The following SERPINB12 variants were observed in gnomAD, a reference collection of about 807,000 sequenced individuals.
The protein encoded by SERPINB12 is serpin B12.
In SERPINB12, 57 loss-of-function variants were observed where a neutral mutation model predicts 41.1. That is an observed-to-expected ratio of 1.39 (90% CI 1.12 to 1.73). The LOEUF (loss-of-function observed/expected upper bound fraction) is 1.73, where lower values mean the gene tolerates loss of function less well. Among genes scored for constraint, SERPINB12 ranks in the 40% most tolerant of loss-of-function variants. The probability of loss-of-function intolerance (pLI) is 0.00; values close to 1 mark genes in which losing one functional copy is unlikely to be tolerated. For synonymous variants in SERPINB12, 180 were observed against 181.3 expected (o/e 0.99, Z 0.06); for missense variants, 536 against 501.9 (o/e 1.07, Z -0.65).
chr18:63,536,451 CTT>C, the SERPINB12 span, among the ~76,000 whole-genome samples: 1 of 152,098 alleles, frequency 6.6e-6, no homozygotes, highest in Non-Finnish European at 1.5e-5. Context: ...AGATGCTTAA[CTT>C]ATAACTAATA....
the SERPINB12 span, among the ~76,000 whole-genome samples, chr18:63,531,947 G>T: frequency 1.3e-5 from 2 of 152,016 alleles, no homozygotes; most frequent in African/African-American, 4.8e-5. Context: ...CCCATAATAA[G>T]GTAACCATGT....
upstream of SERPINB12, among the ~76,000 whole-genome samples, chr18:63,538,400 G>A (rs963545814): frequency 2.0e-5 from 3 of 151,898 alleles, no homozygotes; most frequent in Non-Finnish European, 4.4e-5. Flanking sequence ...TCTCTTTATG[G>A]ATTTGCCTAT....
the SERPINB12 span, among the ~76,000 whole-genome samples, chr18:63,521,970 AG>A: frequency 1.3e-5 from 2 of 152,234 alleles, no homozygotes; most frequent in Non-Finnish European, 1.5e-5. Context: ...AGAACTCAAA[AG>A]CAATAGGTAG....
chr18:63,537,872 G>A (rs553658641), upstream of SERPINB12, among the ~76,000 whole-genome samples: 2 of 152,100 alleles, frequency 1.3e-5, no homozygotes, highest in Non-Finnish European at 2.9e-5. Flanking sequence ...GAGCCTGAGG[G>A]AGCACATTTG....
At chr18:63,560,584 A>G (rs1910870097) in intron 4 of SERPINB12, among the ~76,000 whole-genome samples, 1 of 152,256 alleles carries the variant, frequency 6.6e-6, no homozygotes, top group African/African-American at 2.4e-5. Context: ...AGTAAAATAC[A>G]TATAAAATTT....
Position 63,567,943 on chromosome 18 carries a change from C to T in SERPINB12, c.*932C>T, listed in dbSNP as rs1332870191. Among the ~76,000 whole-genome samples the T allele has an allele frequency of 6.9e-6, 1 of 144,232 alleles. No homozygotes were observed. Among genetic ancestry groups the T allele is most frequent in the Non-Finnish European group, 1.5e-5 (1 of 64,742 alleles). The allele number at this position is 144,232 out of a possible 152,430, so 94.6% of individuals were successfully genotyped here. On this transcript the variant is annotated 3_prime_UTR_variant, in exon 8 of 8. Transcript: ENST00000382768. Reference sequence around the variant, plus strand: ...GAGGCTGGCCTCTGTGTGCCCCTCTCTCTGCCTTCTGGCCACGTGGAGGCT... The same window carrying T: ...GAGGCTGGCCTCTGTGTGCCCCTCTTTCTGCCTTCTGGCCACGTGGAGGCT...
chr18:63,532,677 G>T, the SERPINB12 span, among the ~76,000 whole-genome samples: 5 of 152,168 alleles, frequency 3.3e-5, no homozygotes, highest in Non-Finnish European at 7.3e-5. Flanking sequence ...CTCTATGGTA[G>T]ATGCAAATGA....
intron 1 of SERPINB12, among the ~76,000 whole-genome samples, chr18:63,553,761 C>T (rs1910592521): frequency 6.6e-6 from 1 of 152,174 alleles, no homozygotes. Flanking sequence ...ATCCCCCCAA[C>T]TCAGACCATC....
In SERPINB12 at chr18:63,569,094, G is replaced by A. The variant is rs995883606; in HGVS notation, c.*2083G>A. 6.6e-6 allele frequency among the ~76,000 whole-genome samples: 1 copy of A among 151,800 alleles called. No homozygotes were observed. The highest frequency in any genetic ancestry group is 6.6e-5 in the Admixed American group (1 of 15,222). ...CATGACCTATATATAGGCCTGCACT[G>A]CCCGGCATTTCTTTTGTTCTTATTC... On this transcript the variant is annotated 3_prime_UTR_variant, in exon 8 of 8. Transcript: ENST00000382768.
chr18:63,567,738 G>A lies in SERPINB12; in HGVS notation c.*727G>A, dbSNP rs948907531. Reference sequence around the variant, plus strand: ...GAGGTTTATCTCAGTTTTCCTTATTGAGTCCCCCAACATTATCATCAAACA... The same window carrying A: ...GAGGTTTATCTCAGTTTTCCTTATTAAGTCCCCCAACATTATCATCAAACA... On this transcript the variant is annotated 3_prime_UTR_variant, in exon 8 of 8. Transcript: ENST00000382768. Among the ~76,000 whole-genome samples, 6 of 152,178 alleles carry A rather than the reference G, an allele frequency of 3.9e-5. No individual in the cohort carries two copies. The highest frequency in any genetic ancestry group is 3.9e-4 in the Admixed American group (6 of 15,280).
the SERPINB12 span, among the ~76,000 whole-genome samples, chr18:63,521,719 A>G: frequency 6.6e-6 from 1 of 152,200 alleles, no homozygotes; most frequent in Non-Finnish European, 1.5e-5. Flanking sequence ...ACAACAGTCA[A>G]CTGCCTATAC....
In SERPINB12 at chr18:63,555,660, T is replaced by C. The variant is rs116978746; in HGVS notation, c.-18-482T>C. Among the ~76,000 whole-genome samples, 638 of 152,224 alleles carry C rather than the reference T, an allele frequency of 4.2e-3. 6 individuals are homozygous for C. Among genetic ancestry groups the C allele is most frequent in the Middle Eastern group, 0.014 (4 of 294 alleles). ...CTTTAAAAGAAGAGGGAAATTTGGA[T>C]ACATACATGGACAATAAAGAGAAGG... On this transcript the variant is annotated intron_variant, in intron 1 of 7. Coordinates refer to ENST00000382768, the MANE Select transcript of SERPINB12 (RefSeq NM_001307928.2).
the SERPINB12 span, among the ~76,000 whole-genome samples, chr18:63,526,002 T>C: frequency 6.6e-6 from 1 of 152,216 alleles, no homozygotes; most frequent in African/African-American, 2.4e-5. Flanking sequence ...GAGACAAATA[T>C]AATCCCATCT....
chr18:63,566,635 T>C lies in SERPINB12; in HGVS notation c.902T>C (p.Met301Thr), dbSNP rs766052951. 3.1e-6 allele frequency: 5 copies of C among 1,607,738 alleles called. No homozygotes were observed. In the African/African-American group the frequency reaches 5.4e-5, roughly 17 times the overall value. The change falls in exon 8 of 8, where the codon ATG becomes ACG. Residue 301 changes from methionine to threonine, a missense_variant. By Grantham distance (81) the Met-to-Thr change is moderately conservative. Coordinates refer to ENST00000382768, the MANE Select transcript of SERPINB12 (RefSeq NM_001307928.2). ...ELERKITYEK[M>T]VAWSSSENMS... The stretch of plus-strand genomic sequence containing the variant: ...GAAAGGAAAATCACCTATGAAAAAA[T>C]GGTGGCCTGGAGCAGCTCAGAAAAC...
intron 1 of SERPINB12, among the ~76,000 whole-genome samples, chr18:63,555,018 G>A (rs947527464): frequency 6.6e-6 from 1 of 151,936 alleles, no homozygotes; most frequent in Admixed American, 6.6e-5. Flanking sequence ...TTCTCCTTCC[G>A]CCATGATTGT....
At chr18:63,563,427 A>G (rs1420685653) in intron 5 of SERPINB12, among the ~76,000 whole-genome samples, 2 of 152,000 alleles carry the variant, frequency 1.3e-5, no homozygotes, top group Non-Finnish European at 2.9e-5. Context: ...CAGGGAATCA[A>G]AGGAGATTCC....
In SERPINB12 at chr18:63,559,677, G is replaced by T; in HGVS notation, c.403G>T (p.Ala135Ser). The change falls in exon 4 of 8, where the codon GCC becomes TCC. Residue 135 changes from alanine to serine, a missense_variant. Transcript: ENST00000382768. Reference protein sequence around the residue: ...RIKTDYTLSIANRLYGEQEFP... With the variant: ...RIKTDYTLSISNRLYGEQEFP... ...CAAGACTGATTACACACTGAGTATT[G>T]CCAACAGGCTTTATGGAGAGCAGGA... 6.2e-7 allele frequency: 1 copy of T among 1,614,108 alleles called. No homozygotes were observed. Among genetic ancestry groups the T allele is most frequent in the East Asian group, 2.2e-5 (1 of 44,878 alleles).
At chr18:63,546,661 G>A (rs1488815525) in intron 1 of SERPINB12, among the ~76,000 whole-genome samples, 3 of 152,182 alleles carry the variant, frequency 2.0e-5, no homozygotes, top group African/African-American at 7.2e-5. Context: ...TGAAAAGTGT[G>A]AGCCAAGTAT....
At chr18:63,521,674 G>T in the SERPINB12 span, among the ~76,000 whole-genome samples, 2 of 152,136 alleles carry the variant, frequency 1.3e-5, no homozygotes, top group Non-Finnish European at 2.9e-5. Flanking sequence ...CATTATGCTG[G>T]GAGTTTTGTT....
Sources: allele counts gnomAD v4.1 joint callset (sites outside exome capture counted in the v4.1 genomes callset), GRCh38; gene constraint gnomAD v4.1.1; transcripts MANE v1.5; gene names NCBI Gene and HGNC (gene_info 2026-07-23, HGNC 2026-07-21).